EFNB2: variants seen among roughly 807,000 people sequenced by gnomAD.
EFNB2 encodes ephrin-B2.
In EFNB2, 5 loss-of-function variants were observed where a neutral mutation model predicts 32.1. That is an observed-to-expected ratio of 0.16 (90% CI 0.08 to 0.33). The LOEUF is 0.33. Among genes scored for constraint, EFNB2 ranks in the 10% least tolerant of loss-of-function variants. EFNB2 has a pLI of 1.00. For synonymous variants in EFNB2, 168 were observed against 166.5 expected (o/e 1.01, Z -0.07); for missense variants, 263 against 422.6 (o/e 0.62, Z 3.31).
At chr13:106,515,286 AC>A (rs1227809056) in intron 1 of EFNB2, among the ~76,000 whole-genome samples, 2 of 152,122 alleles carry the variant, frequency 1.3e-5, no homozygotes, top group Non-Finnish European at 2.9e-5. Flanking sequence ...CATTTTACAA[AC>A]ACGCCAGGCC....
intron 4 of EFNB2, among the ~76,000 whole-genome samples, chr13:106,494,638 A>G (rs1878529219): frequency 6.6e-6 from 1 of 152,226 alleles, no homozygotes; most frequent in African/African-American, 2.4e-5. Context: ...AGTAGTTCTA[A>G]TAACTGGCAC....
chr13:106,526,624 A>T (rs994911835), intron 1 of EFNB2, among the ~76,000 whole-genome samples: 13 of 151,912 alleles, frequency 8.6e-5, no homozygotes, highest in Admixed American at 6.6e-4. Context: ...CTTTTTTTTT[A>T]AATCTAAAAT....
intron 2 of EFNB2, among the ~76,000 whole-genome samples, chr13:106,499,819 A>G (rs745920051): frequency 2.8e-4 from 42 of 152,302 alleles, no homozygotes; most frequent in Non-Finnish European, 5.7e-4. Context: ...GCCTGTTTTT[A>G]AAAGCTTTTG....
rs150698052 is a variant in EFNB2, at chr13:106,531,086, G to C, written c.122+3757C>G. 2.2e-4 allele frequency among the ~76,000 whole-genome samples: 33 copies of C among 152,312 alleles called. No individual in the cohort carries two copies. In the East Asian group the frequency reaches 5.8e-3, roughly 27 times the overall value. On this transcript the variant is annotated intron_variant, in intron 1 of 4. Coordinates refer to ENST00000646441, the MANE Select transcript of EFNB2 (RefSeq NM_004093.4). ...ATGTTGGAGTCATCTGCATGTCTTT[G>C]CGTCGGCAGAACCAGCGTCAACAGC...
intron 1 of EFNB2, among the ~76,000 whole-genome samples, chr13:106,533,030 C>A (rs1160342835): frequency 1.3e-5 from 2 of 151,724 alleles, no homozygotes; most frequent in Non-Finnish European, 2.9e-5. Context: ...ATACACACAC[C>A]GAACTAAACG....
chr13:106,503,064 C>G (rs762292450), intron 2 of EFNB2, among the ~76,000 whole-genome samples: 1 of 152,136 alleles, frequency 6.6e-6, no homozygotes, highest in Non-Finnish European at 1.5e-5. Context: ...ACATGTTTAA[C>G]AACATAAGAT....
rs188117696 is a variant in EFNB2 at position 106,500,316 on chromosome 13, C to T, written c.407-4476G>A. Among the ~76,000 whole-genome samples, 13 of 152,046 alleles carry T rather than the reference C, an allele frequency of 8.6e-5. No individual in the cohort carries two copies. The South Asian group carries it at 1.5e-3, about 17-fold the overall frequency. On this transcript the variant is annotated intron_variant, in intron 2 of 4. Coordinates refer to ENST00000646441, the MANE Select transcript of EFNB2 (RefSeq NM_004093.4). The stretch of plus-strand genomic sequence containing the variant: ...GACAATCAAACTTCTGGATTTGCAC[C>T]GATATATGGGTCTCACTGGCACAGA...
intron 1 of EFNB2, among the ~76,000 whole-genome samples, chr13:106,514,630 T>C (rs1879254596): frequency 6.6e-6 from 1 of 152,196 alleles, no homozygotes; most frequent in Non-Finnish European, 1.5e-5. Context: ...TTTTCTCCTG[T>C]CTTATTCCTT....
intron 3 of EFNB2, 55 bp downstream of exon 3, chr13:106,495,693 A>G (rs1315545343): frequency 9.7e-6 from 15 of 1,552,682 alleles, no homozygotes; most frequent in Non-Finnish European, 1.2e-5. Context: ...GCACCATACT[A>G]GCTGGGGGCT....
intron 2 of EFNB2, among the ~76,000 whole-genome samples, chr13:106,508,810 G>A (rs1368118503): frequency 1.3e-5 from 2 of 152,194 alleles, no homozygotes; most frequent in Non-Finnish European, 2.9e-5. Context: ...GAATGAGGAT[G>A]CATATCAGTT....
At chr13:106,509,627 C>CTGTGTGTGTGTGAGTGTGTGTGTGTGTG (rs1879067290) in intron 2 of EFNB2, among the ~76,000 whole-genome samples, 1 of 142,572 alleles carries the variant, frequency 7.0e-6, no homozygotes, top group Non-Finnish European at 1.5e-5. Context: ...CAGAGCTTGA[C>CTGTGTGTGTGTGAGTGTGTGTGTGTGTG]TGTGTGTGTG....
Position 106,494,923 on chromosome 13 carries a change from C to G in EFNB2, c.571G>C (p.Gly191Arg). ...AAGGGACTTGTTGTCGAACTTCTTC[C>G]ATTTGTACCAGCTTCTAGTTCTGGA... is the stretch of plus-strand genomic sequence containing the variant. ...RRPELEAGTN[G>R]RSSTTSPFVK... Residue 191 changes from glycine to arginine, a missense_variant, in exon 4 of 5, where the codon GGA (glycine) becomes CGA (arginine). Around this residue, in one of 3 missense-constraint regions of EFNB2, gnomAD observed 172 missense variants for 237.1 expected, o/e 0.73. Coordinates refer to ENST00000646441, the MANE Select transcript of EFNB2 (RefSeq NM_004093.4). The G allele has an allele frequency of 1.2e-6, 2 of 1,614,176 alleles. No homozygotes were observed. The highest frequency in any genetic ancestry group is 1.7e-6 in the Non-Finnish European group (2 of 1,180,014).
intron 2 of EFNB2, among the ~76,000 whole-genome samples, chr13:106,496,852 C>G (rs1878607861): frequency 6.6e-6 from 1 of 152,136 alleles, no homozygotes; most frequent in Non-Finnish European, 1.5e-5. Flanking sequence ...AGTTCAAGTT[C>G]CAGGAGAGAA....
chr13:106,512,395 G>A (rs576640358), intron 2 of EFNB2, 134 bp downstream of exon 2: 2 of 573,248 alleles, frequency 3.5e-6, no homozygotes, highest in East Asian at 3.7e-5. Flanking sequence ...AAAAAAAAGG[G>A]GGGGGGGACA....
chr13:106,499,667 G>C (rs568017816), intron 2 of EFNB2, among the ~76,000 whole-genome samples: 8 of 152,134 alleles, frequency 5.3e-5, no homozygotes, highest in Non-Finnish European at 7.4e-5. Flanking sequence ...AAATAACATT[G>C]TTATAACTAA....
At chr13:106,515,096 G>A (rs765542502) in intron 1 of EFNB2, among the ~76,000 whole-genome samples, 2 of 151,994 alleles carry the variant, frequency 1.3e-5, no homozygotes, top group Non-Finnish European at 2.9e-5. Context: ...CCCAGGCCAT[G>A]CAAGTCACTC....
rs537583670 is a variant in EFNB2, at chr13:106,530,324, T to C, written c.122+4519A>G. Among the ~76,000 whole-genome samples, 83 of 152,288 alleles carry C rather than the reference T, an allele frequency of 5.5e-4. No homozygotes were observed. The South Asian group carries it at 0.016, about 30-fold the overall frequency. ...GAGCTAATTCCTGACTAGAAGCTTA[T>C]AGTTCTATGGGTTCTGCATATTTTA... On this transcript the variant is annotated intron_variant, in intron 1 of 4. Coordinates refer to ENST00000646441, the MANE Select transcript of EFNB2 (RefSeq NM_004093.4).
chr13:106,500,907 A>T (rs1878756344), intron 2 of EFNB2, among the ~76,000 whole-genome samples: 1 of 152,234 alleles, frequency 6.6e-6, no homozygotes, highest in South Asian at 2.1e-4. Context: ...TAAAATAAAC[A>T]CAAACACAAC....
chr13:106,514,462 T>C (rs1879248577), intron 1 of EFNB2, among the ~76,000 whole-genome samples: 2 of 152,220 alleles, frequency 1.3e-5, no homozygotes, highest in Non-Finnish European at 1.5e-5. Context: ...TCAGAATGTT[T>C]GGGATGAGGC....
Sources: gnomAD v4.1 joint callset for allele counts (sites outside exome capture counted in the v4.1 genomes callset) on GRCh38, gnomAD v4.1.1 for gene constraint, gnomAD v4.1.1 regional missense constraint, MANE v1.5 for transcripts, NCBI Gene and HGNC (gene_info 2026-07-23, HGNC 2026-07-21) for gene names.